The following SAMTOR variants were observed in gnomAD, a reference collection of about 807,000 sequenced individuals.
SAMTOR encodes S-adenosylmethionine sensor upstream of mTORC1.
At chr7:112,890,457 C>A in the SAMTOR span, among the ~76,000 whole-genome samples, 1 of 151,684 alleles carries the variant, frequency 6.6e-6, no homozygotes, top group African/African-American at 2.4e-5. Flanking sequence ...CTACTACTAA[C>A]GCTTGTAGGG....
chr7:112,937,362 A>G, the SAMTOR span, among the ~76,000 whole-genome samples: 2 of 152,184 alleles, frequency 1.3e-5, no homozygotes, highest in Non-Finnish European at 2.9e-5. Flanking sequence ...TATTGATTCA[A>G]TGGGCCTTTG....
chr7:112,881,846 A>G, the SAMTOR span, among the ~76,000 whole-genome samples: 1 of 152,160 alleles, frequency 6.6e-6, no homozygotes, highest in African/African-American at 2.4e-5. Context: ...AGAACTAGGG[A>G]CCCACCCAAT....
the SAMTOR span, among the ~76,000 whole-genome samples, chr7:112,842,157 T>C: frequency 1.3e-5 from 2 of 152,112 alleles, no homozygotes; most frequent in East Asian, 3.9e-4. Context: ...GAAGTCTCTT[T>C]GCTGTGTCAA....
chr7:112,913,955 C>T, the SAMTOR span, among the ~76,000 whole-genome samples: 3 of 152,158 alleles, frequency 2.0e-5, no homozygotes, highest in Admixed American at 6.5e-5. Flanking sequence ...CGGCCACTCA[C>T]CCCAACTAGC....
At chr7:112,866,255 A>G in the SAMTOR span, among the ~76,000 whole-genome samples, 1 of 152,240 alleles carries the variant, frequency 6.6e-6, no homozygotes, top group Non-Finnish European at 1.5e-5. Context: ...TAATAAATGT[A>G]TAATACTACT....
chr7:112,825,856 T>G, the SAMTOR span, among the ~76,000 whole-genome samples: 7 of 151,500 alleles, frequency 4.6e-5, no homozygotes, highest in African/African-American at 1.2e-4. Context: ...ATTCTGAGTT[T>G]TTTTTTTTTT....
the SAMTOR span, among the ~76,000 whole-genome samples, chr7:112,914,401 G>A: frequency 2.6e-5 from 4 of 151,016 alleles, no homozygotes; most frequent in African/African-American, 2.4e-5. Flanking sequence ...GTACCCAATC[G>A]GGAGTTTTTC....
At chr7:112,831,757 C>T in the SAMTOR span, among the ~76,000 whole-genome samples, 1 of 152,144 alleles carries the variant, frequency 6.6e-6, no homozygotes, top group Non-Finnish European at 1.5e-5. Context: ...AGGATAGTAT[C>T]TATCATTTAT....
the SAMTOR span, among the ~76,000 whole-genome samples, chr7:112,874,189 T>C: frequency 1.3e-5 from 2 of 152,110 alleles, no homozygotes; most frequent in South Asian, 2.1e-4. Flanking sequence ...TCAATCCCAT[T>C]ACTGAGTATA....
chr7:112,854,603 T>C, the SAMTOR span, among the ~76,000 whole-genome samples: 1 of 152,324 alleles, frequency 6.6e-6, no homozygotes, highest in Non-Finnish European at 1.5e-5. Context: ...GTAGGAAATG[T>C]ATTCTCTTTT....
At chr7:112,895,493 G>C in the SAMTOR span, 1 of 1,096,564 alleles carries the variant, frequency 9.1e-7, no homozygotes, top group Non-Finnish European at 1.3e-6. Flanking sequence ...ACTGCTCACT[G>C]TTTAGTATGA....
chr7:112,885,729 G>A, the SAMTOR span, among the ~76,000 whole-genome samples: 1 of 152,174 alleles, frequency 6.6e-6, no homozygotes, highest in Non-Finnish European at 1.5e-5. Context: ...TCTCTTGGAA[G>A]TTCCAAGCAT....
At chr7:112,914,635 T>C in the SAMTOR span, among the ~76,000 whole-genome samples, 1 of 152,166 alleles carries the variant, frequency 6.6e-6, no homozygotes, top group Non-Finnish European at 1.5e-5. Context: ...TTTAAGACTT[T>C]ATAGAACTCA....
chr7:112,904,419 G>C, the SAMTOR span, among the ~76,000 whole-genome samples: 1 of 151,950 alleles, frequency 6.6e-6, no homozygotes, highest in African/African-American at 2.4e-5. Context: ...TTTTAAAAAA[G>C]TAAAAAAGTA....
the SAMTOR span, among the ~76,000 whole-genome samples, chr7:112,922,981 C>T: frequency 2.6e-5 from 4 of 152,160 alleles, no homozygotes; most frequent in Non-Finnish European, 1.5e-5. Flanking sequence ...GAGGTGTACC[C>T]AACAGCTCAC....
the SAMTOR span, among the ~76,000 whole-genome samples, chr7:112,925,589 T>A: frequency 9.8e-4 from 148 of 151,368 alleles, no homozygotes; most frequent in African/African-American, 2.8e-3. Flanking sequence ...AGGTCAGGAG[T>A]TTGAGACCAT....
chr7:112,821,761 T>C, the SAMTOR span: 1 of 1,600,616 alleles, frequency 6.2e-7, no homozygotes, highest in African/African-American at 1.4e-5. Context: ...AAAAGTAATA[T>C]GGGGTCTTCT....
chr7:112,847,618 A>G, the SAMTOR span, among the ~76,000 whole-genome samples: 4 of 152,132 alleles, frequency 2.6e-5, no homozygotes. Flanking sequence ...GTCTCTACTA[A>G]AAATACAAAA....
chr7:112,893,087 G>T, the SAMTOR span, among the ~76,000 whole-genome samples: 2 of 152,124 alleles, frequency 1.3e-5, no homozygotes, highest in Non-Finnish European at 2.9e-5. Flanking sequence ...AATTCTTAAG[G>T]GTCCTAGGAT....
Sources: gnomAD v4.1 joint callset for allele counts (sites outside exome capture counted in the v4.1 genomes callset) on GRCh38, gnomAD v4.1.1 for gene constraint, MANE v1.5 for transcripts, NCBI Gene and HGNC (gene_info 2026-07-23, HGNC 2026-07-21) for gene names.